SLC13A3: variants seen among roughly 807,000 people sequenced by gnomAD.
SLC13A3 encodes solute carrier family 13 member 3, also known as Na(+)/dicarboxylate cotransporter 3.
In SLC13A3, 40 loss-of-function variants were observed where a neutral mutation model predicts 59.0. The ratio of observed to expected loss-of-function variants is 0.68; its 90% confidence interval spans 0.53 to 0.88. The LOEUF (loss-of-function observed/expected upper bound fraction) is 0.88, where lower values mean the gene tolerates loss of function less well. SLC13A3 is among the 40% of genes least tolerant of loss of function. The probability of loss-of-function intolerance (pLI) is 0.00; values close to 1 mark genes in which losing one functional copy is unlikely to be tolerated. For missense variants in SLC13A3, 699 were observed against 783.2 expected (o/e 0.89, Z 1.28); for synonymous variants, 317 against 330.3 (o/e 0.96, Z 0.44).
intron 1 of SLC13A3, among the ~76,000 whole-genome samples, chr20:46,648,936 CACACAT>C (rs1259168666): frequency 2.9e-4 from 42 of 147,282 alleles, no homozygotes; most frequent in East Asian, 2.2e-3. Context: ...CACACACACA[CACACAT>C]ACACACACAC....
chr20:46,569,215 C>A (rs191204090), intron 10 of SLC13A3, among the ~76,000 whole-genome samples: 1 of 152,036 alleles, frequency 6.6e-6, no homozygotes. Flanking sequence ...TGGTTTGAAC[C>A]TCTGGGCTTA....
At chr20:46,626,724 A>AAACT (rs1168238127) in intron 1 of SLC13A3, among the ~76,000 whole-genome samples, 2 of 149,714 alleles carry the variant, frequency 1.3e-5, no homozygotes, top group African/African-American at 4.9e-5. Context: ...CTTAAGAACA[A>AAACT]AACTAACTTC....
chr20:46,603,639 C>T (rs574616871), intron 3 of SLC13A3, among the ~76,000 whole-genome samples: 2 of 151,832 alleles, frequency 1.3e-5, no homozygotes, highest in South Asian at 2.1e-4. Flanking sequence ...CCTCTCACCT[C>T]GGCCTCCCAA....
upstream of SLC13A3, among the ~76,000 whole-genome samples, chr20:46,675,072 C>A (rs960375046): frequency 2.0e-5 from 3 of 151,868 alleles, no homozygotes; most frequent in African/African-American, 7.3e-5. Context: ...CTATGAAGGC[C>A]CTGAGATGTG....
chr20:46,612,269 T>G (rs1322444993), intron 2 of SLC13A3, among the ~76,000 whole-genome samples: 1 of 151,730 alleles, frequency 6.6e-6, no homozygotes, highest in Admixed American at 6.6e-5. Flanking sequence ...GTAGCTGGGA[T>G]CACAGGCATG....
At chr20:46,608,838 C>G in intron 3 of SLC13A3, 2 of 1,522,752 alleles carry the variant, frequency 1.3e-6, no homozygotes, top group Non-Finnish European at 1.8e-6. Flanking sequence ...GCCACAGGGG[C>G]AGATCTGCCA....
chr20:46,568,737 C>T lies in SLC13A3; in HGVS notation c.1333-2347G>A, dbSNP rs943257832. On this transcript the variant is annotated intron_variant, in intron 10 of 12. Transcript: ENST00000279027. ...AAGAGTCTGACCTGACAGCTCTGTG[C>T]GCAATTAAAGGGAGAGGGGCTAGAG... Among the ~76,000 whole-genome samples the T allele has an allele frequency of 2.5e-4, 38 of 152,188 alleles. 1 individual carries two copies. In the South Asian group the frequency reaches 3.1e-3, roughly 12 times the overall value.
At chr20:46,643,036 G>C (rs2062859450) in intron 1 of SLC13A3, among the ~76,000 whole-genome samples, 2 of 152,126 alleles carry the variant, frequency 1.3e-5, no homozygotes, top group Non-Finnish European at 2.9e-5. Flanking sequence ...TGCATGCCAA[G>C]AACTTAGCAC....
chr20:46,613,300 G>GAGAAAT (rs1555879749), intron 2 of SLC13A3, among the ~76,000 whole-genome samples, 160 bp downstream of exon 2: 1 of 146,076 alleles, frequency 6.8e-6, no homozygotes, highest in Non-Finnish European at 1.5e-5. Context: ...AAATAGTAGA[G>GAGAAAT]AAATAAATAA....
upstream of SLC13A3, among the ~76,000 whole-genome samples, chr20:46,674,602 CGCGTGTGTGTGT>C (rs1376237456): frequency 1.7e-5 from 2 of 114,414 alleles, no homozygotes; most frequent in Non-Finnish European, 3.5e-5. Flanking sequence ...CGCGCGCGCG[CGCGTGTGTGTGT>C]GTGTGTGTGT....
At chr20:46,563,887 A>ACAT (rs1199855947) in intron 11 of SLC13A3, among the ~76,000 whole-genome samples, 6 of 152,206 alleles carry the variant, frequency 3.9e-5, no homozygotes, top group Non-Finnish European at 7.3e-5. Context: ...TGGTTTGATC[A>ACAT]GGGATGGGCT....
At chr20:46,585,478 T>C in intron 8 of SLC13A3, 1 of 996,210 alleles carries the variant, frequency 1.0e-6, no homozygotes, top group Non-Finnish European at 1.2e-6. Context: ...AAAAATCTTC[T>C]TTTAATAGGG....
At chr20:46,608,272 A>T (rs985152171) in intron 3 of SLC13A3, among the ~76,000 whole-genome samples, 1 of 152,200 alleles carries the variant, frequency 6.6e-6, no homozygotes, top group Admixed American at 6.5e-5. Flanking sequence ...TACAAAAATT[A>T]TATGAAATTT....
At chr20:46,587,693 A>C (rs1232314352) in intron 8 of SLC13A3, among the ~76,000 whole-genome samples, 1 of 152,146 alleles carries the variant, frequency 6.6e-6, no homozygotes, top group Non-Finnish European at 1.5e-5. Flanking sequence ...TTGTCTAACT[A>C]CTTGCTTTTG....
In SLC13A3 at chr20:46,579,506, C is replaced by T. The variant is rs557457672; in HGVS notation, c.1220-3821G>A. 3.3e-5 allele frequency among the ~76,000 whole-genome samples: 5 copies of T among 152,292 alleles called. No homozygotes were observed. The East Asian group carries it at 9.7e-4, about 29-fold the overall frequency. On this transcript the variant is annotated intron_variant, in intron 9 of 12. Transcript: ENST00000279027. ...ACTTACTGACCAAAATATAAGACTC[C>T]ACAAAAGTCTTTAGTGTTAAATACC...
rs796111294 is a variant in SLC13A3, at chr20:46,558,337, G to T, written c.*1685C>A. On this transcript the variant is annotated 3_prime_UTR_variant, in exon 13 of 13. Coordinates refer to ENST00000279027, the MANE Select transcript of SLC13A3 (RefSeq NM_022829.6). ...GAGGGAAGAGCAGTAGAAAATCAGA[G>T]AGGTCAACTCTGTGGAATCCCCAGC... 3.3e-5 allele frequency: 5 copies of T among 152,276 alleles called. No individual in the cohort carries two copies. Among genetic ancestry groups the T allele is most frequent in the Non-Finnish European group, 7.3e-5 (5 of 68,062 alleles). The allele number at this position is 152,276 out of a possible 1,614,324, so 9.4% of individuals were successfully genotyped here.
upstream of SLC13A3, chr20:46,651,572 G>C: frequency 7.7e-7 from 1 of 1,303,516 alleles, no homozygotes; most frequent in Non-Finnish European, 9.7e-7. Flanking sequence ...TGGTGCCTGC[G>C]CCCCTGGGAC....
upstream of SLC13A3, among the ~76,000 whole-genome samples, chr20:46,655,872 T>C (rs553859769): frequency 1.3e-4 from 19 of 143,198 alleles, no homozygotes; most frequent in South Asian, 2.1e-3. Flanking sequence ...TACTGTACAG[T>C]ATATATTATA....
At chr20:46,598,456 G>C (rs1207162727) in intron 4 of SLC13A3, among the ~76,000 whole-genome samples, 2 of 152,210 alleles carry the variant, frequency 1.3e-5, no homozygotes, top group Non-Finnish European at 1.5e-5. Flanking sequence ...CTGAGGCCCA[G>C]AGAAGGGAAG....
Sources: gnomAD v4.1 joint callset for allele counts (sites outside exome capture counted in the v4.1 genomes callset) on GRCh38, gnomAD v4.1.1 for gene constraint, MANE v1.5 for transcripts, NCBI Gene and HGNC (gene_info 2026-07-23, HGNC 2026-07-21) for gene names.